The following NELL1 variants were observed in gnomAD, a reference collection of about 807,000 sequenced individuals.
NELL1 encodes the protein protein kinase C-binding protein NELL1.
In NELL1, 76 loss-of-function variants were observed where a neutral mutation model predicts 107.4. The ratio of observed to expected loss-of-function variants is 0.71; its 90% CI spans 0.59 to 0.86. The LOEUF (loss-of-function observed/expected upper bound fraction) is 0.86, where lower values mean the gene tolerates loss of function less well. Among genes scored for constraint, NELL1 ranks in the 40% least tolerant of loss-of-function variants. The probability of loss-of-function intolerance (pLI) is 0.00; values close to 1 mark genes in which losing one functional copy is unlikely to be tolerated. For missense variants in NELL1, 1,024 were observed against 1,005.5 expected, an observed-to-expected ratio of 1.02 and a Z score of -0.25; for synonymous variants, 353 against 341.2, an observed-to-expected ratio of 1.03 and a Z score of -0.38.
At chr11:21,131,078 G>C (rs1049294606) in intron 13 of NELL1, among the ~76,000 whole-genome samples, 4 of 76 alleles carry the variant, frequency 0.053, no homozygotes, top group South Asian at 0.5. Context: ...TGATGTGGTG[G>C]GGGGAGATGT....
At chr11:21,412,398 T>A (rs1173172303) in intron 15 of NELL1, among the ~76,000 whole-genome samples, 1 of 151,570 alleles carries the variant, frequency 6.6e-6, no homozygotes, top group Admixed American at 6.6e-5. Context: ...GAACCAAGAG[T>A]TTTCATCCCT....
intron 18 of NELL1, among the ~76,000 whole-genome samples, chr11:21,572,349 A>T (rs1345072868): frequency 6.6e-6 from 1 of 151,880 alleles, no homozygotes; most frequent in Non-Finnish European, 1.5e-5. Flanking sequence ...TGTGGGTCAT[A>T]CTTAATAAAT....
rs921097914 is a variant in NELL1 at position 21,052,054 on chromosome 11, G to T, written c.1301-61535G>T. Among the ~76,000 whole-genome samples the T allele has an allele frequency of 1.3e-5, 2 of 152,014 alleles. 1 individual carries two copies. The highest frequency in any genetic ancestry group is 4.2e-4 in the South Asian group (2 of 4,818). On this transcript the variant is annotated intron_variant, in intron 12 of 19. Transcript: ENST00000357134. ...TAGTAGGGTGTTCCTCACTGAGAAGGTAGCCAAAAACAGACCTGCATAGAG... is the reference window on the plus strand; with the variant it reads ...TAGTAGGGTGTTCCTCACTGAGAAGTTAGCCAAAAACAGACCTGCATAGAG...
Position 20,918,183 on chromosome 11 carries a change from G to T in NELL1, c.605G>T (p.Gly202Val). 6.4e-7 allele frequency: 1 copy of T among 1,573,938 alleles called. No individual in the cohort carries two copies. The highest frequency in any genetic ancestry group is 8.7e-7 in the Non-Finnish European group (1 of 1,144,530). ...QRNQKHGLFK[G>V]IIQDGKIIFM... ...CCACCTGTCTCTTCTATTATCAAGGGGATCATCCAAGATGGGAAGATCATC... is the reference window on the plus strand; with the variant it reads ...CCACCTGTCTCTTCTATTATCAAGGTGATCATCCAAGATGGGAAGATCATC... Residue 202 changes from glycine to valine, a missense_variant and splice_region_variant, in exon 6 of 20, where the codon GGG becomes GTG. Physicochemically the swap from Gly to Val is moderately radical, Grantham distance 109. Coordinates refer to ENST00000357134, the MANE Select transcript of NELL1 (RefSeq NM_006157.5).
At chr11:21,092,087 A>AT (rs1187028955) in intron 12 of NELL1, among the ~76,000 whole-genome samples, 35 of 152,292 alleles carry the variant, frequency 2.3e-4, no homozygotes, top group South Asian at 4.1e-4. Context: ...AGGTGATGTG[A>AT]TTTTTTTAAA....
At chr11:20,981,451 A>G (rs1431816930) in intron 12 of NELL1, among the ~76,000 whole-genome samples, 2 of 152,178 alleles carry the variant, frequency 1.3e-5, no homozygotes, top group Non-Finnish European at 2.9e-5. Flanking sequence ...GACTATATCT[A>G]GAACATAAAT....
At chr11:21,081,204 C>G (rs1590618300) in intron 12 of NELL1, among the ~76,000 whole-genome samples, 1 of 152,248 alleles carries the variant, frequency 6.6e-6, no homozygotes, top group Non-Finnish European at 1.5e-5. Context: ...TAGCATTTGA[C>G]CTTTGTCAAT....
At chr11:21,345,138 C>T (rs930800158) in intron 14 of NELL1, among the ~76,000 whole-genome samples, 2 of 152,102 alleles carry the variant, frequency 1.3e-5, no homozygotes, top group Admixed American at 6.6e-5. Context: ...CTTGGTTTAG[C>T]CTTCTGGAAA....
intron 13 of NELL1, among the ~76,000 whole-genome samples, chr11:21,222,700 T>G (rs945336845): frequency 6.6e-6 from 1 of 152,184 alleles, no homozygotes; most frequent in Non-Finnish European, 1.5e-5. Flanking sequence ...CTGGTTTTAC[T>G]TTGCCCCAGA....
intron 2 of NELL1, among the ~76,000 whole-genome samples, chr11:20,736,661 T>C (rs1855769044): frequency 6.6e-6 from 1 of 152,134 alleles, no homozygotes; most frequent in African/African-American, 2.4e-5. Flanking sequence ...AAGTTCTTTA[T>C]TTTCACCATA....
intron 15 of NELL1, among the ~76,000 whole-genome samples, chr11:21,508,706 G>A (rs12574280): frequency 0.19 from 29,513 of 151,816 alleles, 2,949 homozygotes; most frequent in East Asian, 0.28. Flanking sequence ...TAATGTACCA[G>A]TGTAATTCCT....
chr11:21,551,566 G>T (rs1856585096), intron 16 of NELL1, among the ~76,000 whole-genome samples: 1 of 151,524 alleles, frequency 6.6e-6, no homozygotes, highest in Admixed American at 6.6e-5. Flanking sequence ...TCAGAGAAAT[G>T]CAAATCAAAA....
intron 2 of NELL1, among the ~76,000 whole-genome samples, chr11:20,757,069 CTCTT>C (rs1470259570): frequency 1.3e-5 from 2 of 152,014 alleles, no homozygotes; most frequent in South Asian, 2.1e-4. Flanking sequence ...ATCCTTCCTT[CTCTT>C]TCTTCTTTCT....
At chr11:21,413,321 C>T (rs1214846579) in intron 15 of NELL1, among the ~76,000 whole-genome samples, 1 of 151,246 alleles carries the variant, frequency 6.6e-6, no homozygotes, top group Non-Finnish European at 1.5e-5. Flanking sequence ...GCAACTGCAT[C>T]GTGGAAAAAT....
At chr11:21,217,632 C>T (rs1005008870) in intron 13 of NELL1, among the ~76,000 whole-genome samples, 1 of 152,108 alleles carries the variant, frequency 6.6e-6, no homozygotes, top group South Asian at 2.1e-4. Flanking sequence ...AGGAAAAGTG[C>T]CTTACATGCT....
At chr11:20,894,894 G>T (rs1027349702) in intron 5 of NELL1, among the ~76,000 whole-genome samples, 1 of 152,124 alleles carries the variant, frequency 6.6e-6, no homozygotes, top group Admixed American at 6.5e-5. Flanking sequence ...TAGTGATCAA[G>T]TCAACGTATT....
At chr11:20,986,628 C>T (rs929905967) in intron 12 of NELL1, among the ~76,000 whole-genome samples, 2 of 152,184 alleles carry the variant, frequency 1.3e-5, no homozygotes, top group African/African-American at 4.8e-5. Context: ...TTTGGCATTT[C>T]TAACAAGTTC....
At chr11:21,540,449 G>A (rs1019125541) in intron 16 of NELL1, among the ~76,000 whole-genome samples, 71 of 151,800 alleles carry the variant, frequency 4.7e-4, no homozygotes, top group Admixed American at 4.2e-3. Context: ...TTTACCTTTC[G>A]GTGCCTGGCT....
At chr11:20,722,949 C>T (rs945840807) in intron 2 of NELL1, among the ~76,000 whole-genome samples, 2 of 152,094 alleles carry the variant, frequency 1.3e-5, no homozygotes, top group South Asian at 2.1e-4. Context: ...GGAAGCAAGG[C>T]ACATCTTACA....
Sources: gnomAD v4.1 joint callset for allele counts (sites outside exome capture counted in the v4.1 genomes callset) on GRCh38, gnomAD v4.1.1 for gene constraint, MANE v1.5 for transcripts, NCBI Gene and HGNC (gene_info 2026-07-23, HGNC 2026-07-21) for gene names.